COL1A2: variants seen among roughly 807,000 people sequenced by gnomAD.
The protein encoded by COL1A2 is collagen alpha-2(I) chain.
COL1A2 carries 49 observed loss-of-function variants against 174.3 expected under a neutral mutation model. The ratio of observed to expected loss-of-function variants is 0.28; its 90% CI spans 0.22 to 0.36. The LOEUF (loss-of-function observed/expected upper bound fraction) is 0.36, where lower values mean the gene tolerates loss of function less well. Ranked by LOEUF, COL1A2 falls within the 10% of genes least tolerant of loss-of-function variation. COL1A2 has a pLI of 1.00. For missense variants in COL1A2, 1,438 were observed against 1,822.7 expected (o/e 0.79, Z 3.84); for synonymous variants, 655 against 606.6 (o/e 1.08, Z -1.17).
At chr7:94,401,877 A>T (rs529047196) in intron 6 of COL1A2, among the ~76,000 whole-genome samples, 8 of 152,280 alleles carry the variant, frequency 5.3e-5, no homozygotes, top group African/African-American at 1.9e-4. Flanking sequence ...GATAGATCAT[A>T]TACTTATGTC....
At chr7:94,402,724 A>T (rs1490739648) in intron 6 of COL1A2, among the ~76,000 whole-genome samples, 1 of 152,156 alleles carries the variant, frequency 6.6e-6, no homozygotes. Flanking sequence ...GATTTTAATT[A>T]ATTGTTTCAA....
intron 1 of COL1A2, among the ~76,000 whole-genome samples, chr7:94,396,898 T>G (rs905127648): frequency 1.2e-4 from 18 of 152,210 alleles, no homozygotes; most frequent in African/African-American, 4.3e-4. Context: ...TTGGCCACAC[T>G]TGTATCCTGT....
At chr7:94,408,953 T>A (rs1791860892) in intron 16 of COL1A2, 130 bp downstream of exon 16, 14 of 912,092 alleles carry the variant, frequency 1.5e-5, no homozygotes, top group Non-Finnish European at 2.4e-5. Flanking sequence ...CCCTTCAAAA[T>A]GGACATAGAA....
At chr7:94,406,172 G>T in intron 11 of COL1A2, 78 bp from the exon 12 acceptor site, 1 of 1,453,030 alleles carries the variant, frequency 6.9e-7, no homozygotes, top group Non-Finnish European at 9.6e-7. Flanking sequence ...GAGATTAATG[G>T]CAAAGATATA....
At chr7:94,426,303 C>A in intron 45 of COL1A2, 120 bp from the exon 46 acceptor site, 1 of 985,334 alleles carries the variant, frequency 1.0e-6, no homozygotes, top group Non-Finnish European at 1.6e-6. Flanking sequence ...AGGTGAGAGC[C>A]TAGCTAAACC....
intron 33 of COL1A2, among the ~76,000 whole-genome samples, chr7:94,418,863 T>C (rs567616052): frequency 2.6e-5 from 4 of 151,808 alleles, no homozygotes; most frequent in African/African-American, 9.7e-5. Context: ...CTTCAAGTGA[T>C]AACAGAGATT....
chr7:94,397,183 CT>C (rs1483094244), intron 1 of COL1A2, among the ~76,000 whole-genome samples: 3 of 151,760 alleles, frequency 2.0e-5, no homozygotes, highest in Non-Finnish European at 4.4e-5. Context: ...CAAATTAGAC[CT>C]TTTGAAAAAG....
At chr7:94,420,688 A>G (rs1792141871) in intron 37 of COL1A2, 40 bp downstream of exon 37, 1 of 1,515,092 alleles carries the variant, frequency 6.6e-7, no homozygotes, top group South Asian at 1.2e-5. Context: ...GCAGCTACCC[A>G]TTAGATCTTC....
At chr7:94,420,019 G>A (rs1022684426) in intron 34 of COL1A2, among the ~76,000 whole-genome samples, 4 of 152,144 alleles carry the variant, frequency 2.6e-5, no homozygotes, top group African/African-American at 7.2e-5. Flanking sequence ...GATTTATAGT[G>A]TTTTCTCAAG....
intron 41 of COL1A2, chr7:94,424,887 C>T: frequency 1.8e-6 from 1 of 568,280 alleles, no homozygotes; most frequent in East Asian, 3.0e-5. Flanking sequence ...TGACACGAGG[C>T]TCACTTTTTA....
chr7:94,415,177 T>C (rs1792012657), intron 29 of COL1A2, 49 bp from the exon 30 acceptor site: 1 of 1,552,024 alleles, frequency 6.4e-7, no homozygotes, highest in African/African-American at 1.4e-5. Context: ...CATAAGTGAA[T>C]TTAGAGATCA....
rs1792107892 is a variant in COL1A2 at position 94,419,524 on chromosome 7, T to C, written c.2052T>C (p.Pro684=). The C allele has an allele frequency of 1.2e-6, 2 of 1,614,134 alleles. No individual in the cohort carries two copies. Among genetic ancestry groups the C allele is most frequent in the Non-Finnish European group, 1.7e-6 (2 of 1,180,002 alleles). Residue 684 remains proline, a synonymous_variant, in exon 34 of 52, where the codon CCT becomes CCC. Transcript: ENST00000297268. ...ARGAPGAVGA[P]GPAGATGDRG... ...GTGCTCCTGGTGCTGTAGGTGCCCC[T>C]GGTCCTGCTGGAGCCACAGGTGACC...
At chr7:94,410,738 T>A in intron 21 of COL1A2, 151 bp from the exon 22 acceptor site, 1 of 945,100 alleles carries the variant, frequency 1.1e-6, no homozygotes, top group South Asian at 1.4e-5. Flanking sequence ...GATGCTCATC[T>A]ATGAATTCCT....
intron 42 of COL1A2, 32 bp from the exon 43 acceptor site, chr7:94,425,578 C>T: frequency 9.3e-6 from 15 of 1,612,444 alleles, no homozygotes; most frequent in Non-Finnish European, 1.3e-5. Flanking sequence ...AGAGCCTCAC[C>T]AACAGCCTTA....
intron 33 of COL1A2, among the ~76,000 whole-genome samples, chr7:94,419,037 CTAAT>C (rs1792099098): frequency 6.7e-6 from 1 of 148,794 alleles, no homozygotes; most frequent in African/African-American, 2.5e-5. Flanking sequence ...CCATGACAGT[CTAAT>C]TACCTTATCT....
chr7:94,417,436 A>T (rs1216914692), intron 31 of COL1A2: 2 of 434,028 alleles, frequency 4.6e-6, no homozygotes, highest in Non-Finnish European at 8.6e-6. Context: ...TCTGCTTCCC[A>T]TTGTCCTATC....
rs664 is a variant in COL1A2, at chr7:94,425,207, G to A, written c.2764G>A (p.Gly922Ser). Residue 922 changes from glycine to serine, a missense_variant, in exon 42 of 52, where the codon GGT (glycine) becomes AGT (serine). Gly to Ser is a moderately conservative substitution (Grantham distance 56). Around this residue, in one of 3 missense-constraint regions of COL1A2, gnomAD observed 867 missense variants for 1,213.7 expected, o/e 0.71. Transcript: ENST00000297268. Reference sequence around the variant, plus strand: ...TAGTCCTGGAGTCAACGGTGCTCCTGGTGAAGCTGGTCGTGATGTGAGTCC... The same window carrying A: ...TAGTCCTGGAGTCAACGGTGCTCCTAGTGAAGCTGGTCGTGATGTGAGTCC... Reference protein sequence around the residue: ...VGSPGVNGAPGEAGRDGNPGN... With the variant: ...VGSPGVNGAPSEAGRDGNPGN... The A allele has an allele frequency of 6.2e-7, 1 of 1,613,962 alleles. No individual in the cohort carries two copies. Among genetic ancestry groups the A allele is most frequent in the South Asian group, 1.1e-5 (1 of 91,078 alleles).
At chr7:94,418,643 C>A in intron 33 of COL1A2, 91 bp downstream of exon 33, 1 of 965,968 alleles carries the variant, frequency 1.0e-6, no homozygotes, top group Non-Finnish European at 1.6e-6. Flanking sequence ...ACTACACACA[C>A]TTTATTTATC....
In COL1A2 at chr7:94,425,196, A is replaced by G. The variant is rs201052196; in HGVS notation, c.2753A>G (p.Asn918Ser). The G allele has an allele frequency of 1.1e-5, 18 of 1,614,086 alleles. No homozygotes were observed. The East Asian group carries it at 4.0e-4, about 36-fold the overall frequency. Residue 918 changes from asparagine to serine, a missense_variant, in exon 42 of 52, where the codon AAC becomes AGC. This residue lies in a region of COL1A2 where 867 missense variants were observed against 1,213.7 expected (regional missense o/e 0.71). Coordinates refer to ENST00000297268, the MANE Select transcript of COL1A2 (RefSeq NM_000089.4). ...PPGAVGSPGV[N>S]GAPGEAGRDG... ...GGTGCTGTGGGTAGTCCTGGAGTCAACGGTGCTCCTGGTGAAGCTGGTCGT... is the reference window on the plus strand; with the variant it reads ...GGTGCTGTGGGTAGTCCTGGAGTCAGCGGTGCTCCTGGTGAAGCTGGTCGT...
Sources: allele counts gnomAD v4.1 joint callset (sites outside exome capture counted in the v4.1 genomes callset), GRCh38; gene constraint gnomAD v4.1.1; regional missense constraint gnomAD v4.1.1; transcripts MANE v1.5; gene names NCBI Gene and HGNC (gene_info 2026-07-23, HGNC 2026-07-21).